CSRP2: variants seen among roughly 807,000 people sequenced by gnomAD.
CSRP2 encodes the protein cysteine and glycine-rich protein 2.
CSRP2 carries 18 observed loss-of-function variants against 24.6 expected under a neutral mutation model. The ratio of observed to expected loss-of-function variants is 0.73; its 90% CI spans 0.51 to 1.09. CSRP2 has a LOEUF of 1.09. CSRP2 is among the 50% of genes least tolerant of loss of function. The pLI is 0.00. For missense variants in CSRP2, 215 were observed against 239.4 expected (o/e 0.90, Z 0.67); for synonymous variants, 87 against 84.3 (o/e 1.03, Z -0.18).
At chr12:76,869,684 T>C (rs1313111071) in intron 1 of CSRP2, among the ~76,000 whole-genome samples, 16 of 152,116 alleles carry the variant, frequency 1.1e-4, no homozygotes, top group African/African-American at 3.9e-4. Flanking sequence ...GGTCCACAAA[T>C]GTTACCAGGC....
intron 3 of CSRP2, 23 bp from the exon 4 acceptor site, chr12:76,860,436 A>T (rs200345176): frequency 6.7e-7 from 1 of 1,489,938 alleles, no homozygotes. Context: ...GGAAAAAAAA[A>T]GTAGGCAAGA....
chr12:76,865,878 G>A, intron 2 of CSRP2: 4 of 442,862 alleles, frequency 9.0e-6, no homozygotes, highest in Non-Finnish European at 1.6e-5. Context: ...CCAGCACTCA[G>A]TGAGGTGGGG....
chr12:76,869,328 A>G (rs555393019), intron 1 of CSRP2, among the ~76,000 whole-genome samples: 31 of 152,288 alleles, frequency 2.0e-4, no homozygotes, highest in African/African-American at 7.2e-4. Context: ...ACGTTGTTGC[A>G]TTGGGAATTA....
At chr12:76,865,302 AG>A (rs1454096005) in intron 2 of CSRP2, among the ~76,000 whole-genome samples, 1 of 152,228 alleles carries the variant, frequency 6.6e-6, no homozygotes, top group Non-Finnish European at 1.5e-5. Flanking sequence ...TTTTTAAAAA[AG>A]TAACTTCTAA....
chr12:76,871,332 C>T (rs1165484989), intron 1 of CSRP2, among the ~76,000 whole-genome samples: 1 of 152,208 alleles, frequency 6.6e-6, no homozygotes, highest in Non-Finnish European at 1.5e-5. Context: ...ACCCACCAAC[C>T]AGCACCTAGA....
intron 2 of CSRP2, 85 bp from the exon 3 acceptor site, chr12:76,863,429 A>C: frequency 7.2e-7 from 1 of 1,393,442 alleles, no homozygotes; most frequent in Non-Finnish European, 9.8e-7. Flanking sequence ...CATGGCCTAC[A>C]AATGGTGAAG....
chr12:76,865,734 T>G (rs1439691756), intron 2 of CSRP2: 1 of 158,646 alleles, frequency 6.3e-6, no homozygotes, highest in Admixed American at 6.4e-5. Flanking sequence ...AACCGAAGAC[T>G]TTGTTGTCAT....
chr12:76,865,459 A>G (rs1953725212), intron 2 of CSRP2, among the ~76,000 whole-genome samples: 1 of 152,242 alleles, frequency 6.6e-6, no homozygotes, highest in Non-Finnish European at 1.5e-5. Flanking sequence ...AAAGAGGTCC[A>G]GATACCTTGA....
In CSRP2 at chr12:76,874,745, C is replaced by T. The variant is rs1953837185; in HGVS notation, c.-2+4193G>A. On this transcript the variant is annotated intron_variant, in intron 1 of 5. Transcript: ENST00000311083. ...TTACCACCTGAGCTCTGCTTCCTGT[C>T]AGATCGGCAGAGGCATTAGATTCTC... Among the ~76,000 whole-genome samples the T allele has an allele frequency of 2.6e-5, 4 of 152,124 alleles. 1 individual carries two copies. In the South Asian group the frequency reaches 8.3e-4, roughly 31 times the overall value.
intron 3 of CSRP2, 162 bp from the exon 4 acceptor site, chr12:76,860,575 C>T (rs1953666102): frequency 1.4e-6 from 1 of 735,112 alleles, no homozygotes; most frequent in East Asian, 2.7e-5. Flanking sequence ...AGAAGTGACT[C>T]AGGTGCCAGC....
At chr12:76,874,656 A>G (rs925001734) in intron 1 of CSRP2, among the ~76,000 whole-genome samples, 11 of 152,146 alleles carry the variant, frequency 7.2e-5, no homozygotes, top group Middle Eastern at 3.2e-3. Context: ...GCTACTTGCT[A>G]CTGGTCTGTG....
chr12:76,871,220 T>C (rs1484324380), intron 1 of CSRP2, among the ~76,000 whole-genome samples: 3 of 152,114 alleles, frequency 2.0e-5, no homozygotes, highest in Non-Finnish European at 2.9e-5. Flanking sequence ...GAAGGCAAGA[T>C]AAGGTAAGCA....
chr12:76,869,529 A>AACACACACACACACACACACACACACAC (rs57542492), intron 1 of CSRP2, among the ~76,000 whole-genome samples: 65 of 135,418 alleles, frequency 4.8e-4, no homozygotes, highest in Non-Finnish European at 8.2e-4. Flanking sequence ...TAAAACAAAC[A>AACACACACACACACACACACACACACAC]ACACACACAC....
intron 2 of CSRP2, chr12:76,864,933 A>G (rs1291272287): frequency 6.6e-6 from 1 of 152,134 alleles, no homozygotes; most frequent in African/African-American, 2.4e-5. Context: ...GTTTTGAAAA[A>G]CCTGTATGAA....
Position 76,863,322 on chromosome 12 carries a change from A to C in CSRP2, c.135T>G (p.Asp45Glu). Reference sequence around the variant, plus strand: ...CATCGTGAATTGCCACTGTTGTGCTATCTAAATTTTTCCTGCAAACCACTG... The same window carrying C: ...CATCGTGAATTGCCACTGTTGTGCTCTCTAAATTTTTCCTGCAAACCACTG... ...FLCMVCRKNL[D>E]STTVAIHDEE... Residue 45 changes from aspartate (D) to glutamate (E), a missense_variant, in exon 3 of 6, where the codon GAT becomes GAG. Physicochemically the swap from Asp to Glu is conservative, Grantham distance 45. Transcript: ENST00000311083. 1 of 1,614,128 alleles carries C rather than the reference A, an allele frequency of 6.2e-7. No homozygotes were observed. Among genetic ancestry groups the C allele is most frequent in the Non-Finnish European group, 8.5e-7 (1 of 1,180,014 alleles).
chr12:76,876,253 A>G (rs1953850480), intron 1 of CSRP2, among the ~76,000 whole-genome samples: 1 of 152,252 alleles, frequency 6.6e-6, no homozygotes, highest in Admixed American at 6.5e-5. Context: ...TGTTGGCACA[A>G]TAAGATTGTA....
intron 1 of CSRP2, among the ~76,000 whole-genome samples, chr12:76,872,214 A>G (rs1370486276): frequency 6.6e-6 from 1 of 152,174 alleles, no homozygotes; most frequent in Admixed American, 6.5e-5. Context: ...CCTATGTGCA[A>G]TTTCTCCTTG....
rs144564754 is a variant in CSRP2, at chr12:76,866,163, C to T, written c.98G>A (p.Cys33Tyr). The T allele has an allele frequency of 9.1e-5, 146 of 1,613,178 alleles. No individual in the cohort carries two copies. The African/African-American group carries it at 1.8e-3, about 19-fold the overall frequency. Reference protein sequence around the residue: ...VQCDGRSFHRCCFLCMVCRKN... With the variant: ...VQCDGRSFHRYCFLCMVCRKN... ...GAGCTACTTACTGCAGAGAAAGCAG[C>T]AGCGGTGGAAGCTCCTGCCATCACA... The change falls in exon 2 of 6, where the codon TGC (cysteine) becomes TAC (tyrosine). Residue 33 changes from cysteine to tyrosine, a missense_variant. Transcript: ENST00000311083.
intron 2 of CSRP2, chr12:76,864,220 C>T (rs537177812): frequency 6.6e-6 from 1 of 152,262 alleles, no homozygotes; most frequent in South Asian, 2.1e-4. Flanking sequence ...TGTGAGGAAA[C>T]TCACTGGTAG....
Sources: allele counts gnomAD v4.1 joint callset (sites outside exome capture counted in the v4.1 genomes callset), GRCh38; gene constraint gnomAD v4.1.1; transcripts MANE v1.5; gene names NCBI Gene and HGNC (gene_info 2026-07-23, HGNC 2026-07-21).